The following ARL6IP5 variants were observed in gnomAD, a reference collection of about 807,000 sequenced individuals.
The protein encoded by ARL6IP5 is ARF like GTPase 6 interacting protein 5, also known as PRA1 family protein 3.
A neutral mutation model predicts 13.0 loss-of-function variants in ARL6IP5; 6 were observed. The observed-to-expected ratio is 0.46, with a 90% CI of 0.25 to 0.91. ARL6IP5 has a LOEUF of 0.91. Ranked by LOEUF, ARL6IP5 falls within the 40% of genes least tolerant of loss-of-function variation. The pLI is 0.17. For synonymous variants in ARL6IP5, 91 were observed against 91.9 expected, an observed-to-expected ratio of 0.99 and a Z score of 0.06; for missense variants, 208 against 248.8, an observed-to-expected ratio of 0.84 and a Z score of 1.10.
intron 2 of ARL6IP5, among the ~76,000 whole-genome samples, chr3:69,102,680 A>G (rs2092309638): frequency 6.6e-6 from 1 of 152,222 alleles, no homozygotes; most frequent in African/African-American, 2.4e-5. Flanking sequence ...AAGAGAGTCT[A>G]TTCTCAATTT....
chr3:69,096,823 T>C (rs1402703906), intron 1 of ARL6IP5, among the ~76,000 whole-genome samples: 1 of 151,924 alleles, frequency 6.6e-6, no homozygotes, highest in Non-Finnish European at 1.5e-5. Context: ...AGGATGGTCT[T>C]GATCTCCTGA....
chr3:69,097,115 C>T (rs1450469627), intron 1 of ARL6IP5, among the ~76,000 whole-genome samples: 2 of 151,824 alleles, frequency 1.3e-5, no homozygotes, highest in East Asian at 3.9e-4. Flanking sequence ...TCCCCTTATC[C>T]TACTATACTG....
Position 69,101,876 on chromosome 3 carries a change from G to C in ARL6IP5, c.214G>C (p.Val72Leu). The C allele has an allele frequency of 6.2e-7, 1 of 1,613,752 alleles. No individual in the cohort carries two copies. The highest frequency in any genetic ancestry group is 8.5e-7 in the Non-Finnish European group (1 of 1,179,920). ...SPFNMILGGIVVVLVFTGFVW... is the reference protein window; with the variant it reads ...SPFNMILGGILVVLVFTGFVW... The stretch of plus-strand genomic sequence containing the variant: ...CTTCAACATGATCCTGGGAGGAATC[G>C]TGGTGGTGCTGGTGTTCACAGGGTT... The change falls in exon 2 of 3, where the codon GTG becomes CTG. Residue 72 changes from valine (V) to leucine (L), a missense_variant. Transcript: ENST00000273258.
chr3:69,086,474 T>G (rs933391009), intron 1 of ARL6IP5, among the ~76,000 whole-genome samples: 12 of 152,230 alleles, frequency 7.9e-5, no homozygotes, highest in African/African-American at 2.4e-4. Context: ...AGCCCACATG[T>G]GGGACTCTAT....
intron 1 of ARL6IP5, among the ~76,000 whole-genome samples, chr3:69,086,774 G>C (rs1354012039): frequency 6.7e-6 from 1 of 150,316 alleles, no homozygotes; most frequent in Non-Finnish European, 1.5e-5. Flanking sequence ...CCAGGCTGGA[G>C]TGCAGTGGCG....
intron 1 of ARL6IP5, among the ~76,000 whole-genome samples, chr3:69,094,564 C>T (rs940935202): frequency 7.9e-5 from 12 of 151,890 alleles, no homozygotes; most frequent in African/African-American, 1.5e-4. Context: ...CCCACTTTTT[C>T]GGTGAGTCAG....
At chr3:69,093,085 G>A (rs535391527) in intron 1 of ARL6IP5, among the ~76,000 whole-genome samples, 4 of 152,214 alleles carry the variant, frequency 2.6e-5, no homozygotes, top group East Asian at 1.9e-4. Context: ...TTGAAGCTCC[G>A]TCACTGTGGG....
chr3:69,098,502 C>G (rs555546214), intron 1 of ARL6IP5, among the ~76,000 whole-genome samples: 166 of 152,222 alleles, frequency 1.1e-3, no homozygotes, highest in Non-Finnish European at 1.9e-3. Context: ...GCCTCAGCCT[C>G]CCAAAGTGCT....
intron 1 of ARL6IP5, among the ~76,000 whole-genome samples, chr3:69,100,738 G>A (rs866299751): frequency 7.3e-5 from 11 of 150,688 alleles, no homozygotes; most frequent in Middle Eastern, 3.4e-3. Context: ...CCAAGATTGC[G>A]CCACTGCACT....
At position 69,103,943 on chromosome 3, in the gene ARL6IP5, G is replaced by A. The variant is rs146219759; in HGVS notation, c.395-521G>A. Among the ~76,000 whole-genome samples the A allele has an allele frequency of 8.5e-5, 13 of 152,270 alleles. No individual in the cohort carries two copies. In the East Asian group the frequency reaches 2.3e-3, roughly 27 times the overall value. On this transcript the variant is annotated intron_variant, in intron 2 of 2. Transcript: ENST00000273258. ...GGGAACGGTAGGCTATAGAAACTCTGTAAAGCCCTTAGATTTTTACATCTA... is the reference window on the plus strand; with the variant it reads ...GGGAACGGTAGGCTATAGAAACTCTATAAAGCCCTTAGATTTTTACATCTA...
intron 2 of ARL6IP5, among the ~76,000 whole-genome samples, chr3:69,102,588 A>G (rs2092309369): frequency 6.6e-6 from 1 of 152,172 alleles, no homozygotes; most frequent in Non-Finnish European, 1.5e-5. Context: ...TGGGGACACA[A>G]CAGTAAACAG....
chr3:69,092,819 CTTT>C (rs201632976), intron 1 of ARL6IP5, among the ~76,000 whole-genome samples: 11 of 139,774 alleles, frequency 7.9e-5, no homozygotes, highest in African/African-American at 2.1e-4. Flanking sequence ...TGTACCCAGC[CTTT>C]TTTTTTTTTT....
chr3:69,090,222 G>A (rs1031591708), intron 1 of ARL6IP5, among the ~76,000 whole-genome samples: 3 of 152,216 alleles, frequency 2.0e-5, no homozygotes, highest in Non-Finnish European at 4.4e-5. Flanking sequence ...ATTGCAGATA[G>A]AATGAGTTGC....
chr3:69,102,469 A>G (rs2092308729), intron 2 of ARL6IP5, among the ~76,000 whole-genome samples: 5 of 152,160 alleles, frequency 3.3e-5, no homozygotes, highest in Admixed American at 3.3e-4. Context: ...TATGTTGCCC[A>G]GGCTGATCTC....
chr3:69,098,129 T>A (rs2092292936), intron 1 of ARL6IP5, among the ~76,000 whole-genome samples: 1 of 151,636 alleles, frequency 6.6e-6, no homozygotes. Flanking sequence ...CAGGCTGGAG[T>A]GCAGTGGCGC....
intron 1 of ARL6IP5, among the ~76,000 whole-genome samples, chr3:69,091,175 G>A (rs2092264408): frequency 6.6e-6 from 1 of 152,118 alleles, no homozygotes; most frequent in African/African-American, 2.4e-5. Context: ...ACTACAGCCT[G>A]GGTAACAGAG....
intron 2 of ARL6IP5, among the ~76,000 whole-genome samples, chr3:69,104,043 C>A (rs554974268): frequency 6.6e-6 from 1 of 152,138 alleles, no homozygotes; most frequent in Admixed American, 6.6e-5. Context: ...CGTGCTCCTG[C>A]AGGGAACAAG....
rs199806188 is a variant in ARL6IP5 at position 69,104,658 on chromosome 3, G to A, written c.*22G>A. 2.8e-5 allele frequency: 45 copies of A among 1,606,986 alleles called. No homozygotes were observed. In the Admixed American group the frequency reaches 5.1e-4, roughly 18 times the overall value. On this transcript the variant is annotated 3_prime_UTR_variant, in exon 3 of 3. Coordinates refer to ENST00000273258, the MANE Select transcript of ARL6IP5 (RefSeq NM_006407.4). ...ATAAACATAACTTACCTGAGCTAGGGTTGCAGCAGAAATTGAGTTGCAGCT... is the reference window on the plus strand; with the variant it reads ...ATAAACATAACTTACCTGAGCTAGGATTGCAGCAGAAATTGAGTTGCAGCT...
intron 1 of ARL6IP5, among the ~76,000 whole-genome samples, chr3:69,086,952 C>A (rs528956906): frequency 2.0e-4 from 30 of 152,208 alleles, no homozygotes; most frequent in African/African-American, 7.2e-4. Context: ...CCCGCCTCAG[C>A]CTCCCAAAGT....
Sources: gnomAD v4.1 joint callset for allele counts (sites outside exome capture counted in the v4.1 genomes callset) on GRCh38, gnomAD v4.1.1 for gene constraint, MANE v1.5 for transcripts, NCBI Gene and HGNC (gene_info 2026-07-23, HGNC 2026-07-21) for gene names.